DLGAP2: variants seen among roughly 807,000 people sequenced by gnomAD.
DLGAP2 encodes the protein DLG associated protein 2, also known as disks large-associated protein 2.
A neutral mutation model predicts 100.3 loss-of-function variants in DLGAP2; 26 were observed. The ratio of observed to expected loss-of-function variants is 0.26; its 90% confidence interval spans 0.19 to 0.36. DLGAP2 has a LOEUF of 0.36. DLGAP2 is among the 10% of genes least tolerant of loss of function. The probability of loss-of-function intolerance (pLI) is 1.00; values close to 1 mark genes in which losing one functional copy is unlikely to be tolerated. For missense variants in DLGAP2, 1,858 were observed against 1,453.2 expected, an observed-to-expected ratio of 1.28 and a Z score of -4.53; for synonymous variants, 886 against 630.1, an observed-to-expected ratio of 1.41 and a Z score of -6.08.
At chr8:899,203 A>C (rs2128997064) in intron 1 of DLGAP2, among the ~76,000 whole-genome samples, 1 of 152,310 alleles carries the variant, frequency 6.6e-6, no homozygotes, top group South Asian at 2.1e-4. Context: ...AGTGCGTTCC[A>C]CATGGGACTC....
intron 3 of DLGAP2, among the ~76,000 whole-genome samples, chr8:1,412,887 T>C (rs1208407852): frequency 6.6e-6 from 1 of 152,214 alleles, no homozygotes; most frequent in Non-Finnish European, 1.5e-5. Flanking sequence ...CGCATGCTAT[T>C]TCCTGTCTCC....
intron 3 of DLGAP2, among the ~76,000 whole-genome samples, chr8:1,260,320 T>C (rs1314913807): frequency 6.6e-6 from 1 of 151,586 alleles, no homozygotes; most frequent in African/African-American, 2.4e-5. Context: ...TCACCGAGAG[T>C]TTTCAGTGTG....
intron 2 of DLGAP2, among the ~76,000 whole-genome samples, chr8:1,100,850 A>G (rs1804554858): frequency 6.6e-6 from 1 of 152,256 alleles, no homozygotes; most frequent in African/African-American, 2.4e-5. Flanking sequence ...CATACAGATG[A>G]TAGCATTTAA....
In DLGAP2 at chr8:1,632,949, C is replaced by T; in HGVS notation, c.1713C>T (p.Ser571=). ...GATGTTTCCGAACAAGGAGTCACAG[C>T]TACCTTCGAGCCATTCAAGCCGGCT... ...LPGCFRTRSH[S]YLRAIQAGYS... is the part of the protein sequence containing the mutation. The change falls in exon 8 of 15, where the codon AGC becomes AGT. Residue 571 remains serine (S), a synonymous_variant. Coordinates refer to ENST00000637795, the MANE Select transcript of DLGAP2 (RefSeq NM_001346810.2). 1 of 1,613,990 alleles carries T rather than the reference C, an allele frequency of 6.2e-7. No individual in the cohort carries two copies. Among genetic ancestry groups the T allele is most frequent in the Non-Finnish European group, 8.5e-7 (1 of 1,179,890 alleles).
intron 2 of DLGAP2, among the ~76,000 whole-genome samples, chr8:965,368 C>CCGCG (rs1563117702): frequency 1.4e-4 from 12 of 85,240 alleles, no homozygotes; most frequent in Non-Finnish European, 1.9e-4. Context: ...AGTCTGACCC[C>CCGCG]TGCGCTGTAC....
intron 3 of DLGAP2, among the ~76,000 whole-genome samples, chr8:1,411,003 C>G (rs1482214856): frequency 3.3e-5 from 5 of 152,138 alleles, no homozygotes; most frequent in African/African-American, 1.2e-4. Flanking sequence ...GCCAGCTAAA[C>G]TAATATTTCT....
At chr8:936,523 G>A (rs1410998676) in intron 2 of DLGAP2, among the ~76,000 whole-genome samples, 2 of 152,178 alleles carry the variant, frequency 1.3e-5, no homozygotes, top group East Asian at 1.9e-4. Context: ...TGGCTCCTGG[G>A]CTGCTGGGGT....
intron 3 of DLGAP2, among the ~76,000 whole-genome samples, chr8:1,426,444 G>C (rs1056455838): frequency 6.6e-6 from 1 of 152,136 alleles, no homozygotes; most frequent in Non-Finnish European, 1.5e-5. Flanking sequence ...AAGATGTAGA[G>C]ACTCCAACAA....
intron 3 of DLGAP2, among the ~76,000 whole-genome samples, chr8:1,418,318 G>T (rs1372147017): frequency 6.6e-6 from 1 of 152,072 alleles, no homozygotes; most frequent in African/African-American, 2.4e-5. Flanking sequence ...ACTTTAGATG[G>T]CCTCAAACAT....
At chr8:1,594,764 A>G (rs1434398310) in intron 6 of DLGAP2, among the ~76,000 whole-genome samples, 1 of 152,194 alleles carries the variant, frequency 6.6e-6, no homozygotes, top group Non-Finnish European at 1.5e-5. Context: ...ACTAGAGTTT[A>G]ACTGCCAAAA....
intron 2 of DLGAP2, among the ~76,000 whole-genome samples, chr8:1,197,219 T>C (rs12677156): frequency 2.9e-3 from 146 of 50,818 alleles, no homozygotes; most frequent in South Asian, 0.012. Context: ...CAGAGTCCAC[T>C]TCAGGTCTCT....
At chr8:1,364,853 C>T (rs1315431703) in intron 3 of DLGAP2, among the ~76,000 whole-genome samples, 1 of 152,222 alleles carries the variant, frequency 6.6e-6, no homozygotes, top group African/African-American at 2.4e-5. Flanking sequence ...GTTTGCTGAT[C>T]AGCCTTTTCC....
chr8:1,602,917 G>A lies in DLGAP2; in HGVS notation c.1443-23823G>A, dbSNP rs190886977. ...GCACCCTAAAGGTGTCGAGTGCCGCGAGGGAAAATTCAACAGAATGAGGGG... is the reference window on the plus strand; with the variant it reads ...GCACCCTAAAGGTGTCGAGTGCCGCAAGGGAAAATTCAACAGAATGAGGGG... On this transcript the variant is annotated intron_variant, in intron 6 of 14. Transcript: ENST00000637795. Among the ~76,000 whole-genome samples the A allele has an allele frequency of 1.1e-3, 165 of 152,340 alleles. 1 individual carries two copies. The highest frequency in any genetic ancestry group is 3.6e-3 in the African/African-American group (151 of 41,578).
At chr8:1,439,386 G>A (rs1797758022) in intron 3 of DLGAP2, among the ~76,000 whole-genome samples, 1 of 152,168 alleles carries the variant, frequency 6.6e-6, no homozygotes, top group South Asian at 2.1e-4. Flanking sequence ...CGGTCCTGCC[G>A]TGTACCCTGT....
chr8:1,685,572 G>C (rs901616789), intron 12 of DLGAP2, among the ~76,000 whole-genome samples: 1 of 152,036 alleles, frequency 6.6e-6, no homozygotes, highest in Non-Finnish European at 1.5e-5. Context: ...CCAACTAAAT[G>C]GTCATGGGGA....
At chr8:777,926 G>A (rs899278356) in intron 1 of DLGAP2, among the ~76,000 whole-genome samples, 4 of 152,152 alleles carry the variant, frequency 2.6e-5, no homozygotes, top group Non-Finnish European at 4.4e-5. Context: ...GTTCTCCTGA[G>A]TAATATCCTG....
intron 3 of DLGAP2, chr8:1,259,657 C>G (rs1799305030): frequency 6.6e-6 from 1 of 152,236 alleles, no homozygotes; most frequent in African/African-American, 2.4e-5. Context: ...CAGCCCAGCT[C>G]TGCTTCCACA....
At chr8:1,154,683 C>T (rs966248744) in intron 2 of DLGAP2, among the ~76,000 whole-genome samples, 1 of 152,204 alleles carries the variant, frequency 6.6e-6, no homozygotes, top group Non-Finnish European at 1.5e-5. Flanking sequence ...ACTAGCTTTC[C>T]AGGCCCCTCC....
intron 2 of DLGAP2, among the ~76,000 whole-genome samples, chr8:1,107,024 A>G (rs1169222563): frequency 6.6e-6 from 1 of 152,150 alleles, no homozygotes; most frequent in African/African-American, 2.4e-5. Context: ...TGTATACAGC[A>G]TCTAGCAGGC....
Sources: gnomAD v4.1 joint callset for allele counts (sites outside exome capture counted in the v4.1 genomes callset) on GRCh38, gnomAD v4.1.1 for gene constraint, MANE v1.5 for transcripts, NCBI Gene and HGNC (gene_info 2026-07-23, HGNC 2026-07-21) for gene names.